ADCY5: variants seen among roughly 807,000 people sequenced by gnomAD.
The protein encoded by ADCY5 is adenylate cyclase 5.
A neutral mutation model predicts 119.7 loss-of-function variants in ADCY5; 30 were observed. The ratio of observed to expected loss-of-function variants is 0.25; its 90% CI spans 0.19 to 0.34. ADCY5 has a LOEUF of 0.34. Among genes scored for constraint, ADCY5 ranks in the 10% least tolerant of loss-of-function variants. The pLI, the probability that ADCY5 is intolerant of heterozygous loss-of-function variation, is 1.00. For missense variants in ADCY5, 1,324 were observed against 1,775.2 expected (o/e 0.75, Z 4.57); for synonymous variants, 753 against 762.2 (o/e 0.99, Z 0.20).
intron 8 of ADCY5, among the ~76,000 whole-genome samples, chr3:123,325,019 G>C (rs994748337): frequency 6.6e-6 from 1 of 152,248 alleles, no homozygotes; most frequent in Non-Finnish European, 1.5e-5. Flanking sequence ...GGCTGGCCGA[G>C]TCTAGCCAGA....
intron 1 of ADCY5, among the ~76,000 whole-genome samples, chr3:123,403,942 C>T (rs1026520240): frequency 1.4e-4 from 22 of 152,212 alleles, no homozygotes; most frequent in African/African-American, 4.8e-4. Flanking sequence ...CTCCTGTAGC[C>T]TTCCTTACAT....
chr3:123,360,499 A>C (rs1943211073), intron 1 of ADCY5, among the ~76,000 whole-genome samples: 1 of 152,102 alleles, frequency 6.6e-6, no homozygotes, highest in Non-Finnish European at 1.5e-5. Context: ...CTTCCTACCC[A>C]AAAACCTGCC....
At chr3:123,380,109 A>T (rs1281879006) in intron 1 of ADCY5, among the ~76,000 whole-genome samples, 1 of 152,192 alleles carries the variant, frequency 6.6e-6, no homozygotes, top group Non-Finnish European at 1.5e-5. Flanking sequence ...GTAATGAGGA[A>T]ATGTCCCTCC....
chr3:123,364,935 C>CTTTTTTTTTTTTTTTTTTTTT (rs376085783), intron 1 of ADCY5, among the ~76,000 whole-genome samples: 1 of 137,148 alleles, frequency 7.3e-6, no homozygotes. Context: ...GTGTTTTTCA[C>CTTTTTTTTTTTTTTTTTTTTT]TTTTTTTTTT....
chr3:123,364,211 A>G (rs1943353198), intron 1 of ADCY5, among the ~76,000 whole-genome samples: 2 of 152,262 alleles, frequency 1.3e-5, no homozygotes, highest in East Asian at 1.9e-4. Context: ...TACTCTAAAA[A>G]GAAATACTGA....
At chr3:123,310,840 G>C (rs1234918638) in intron 12 of ADCY5, among the ~76,000 whole-genome samples, 1 of 152,152 alleles carries the variant, frequency 6.6e-6, no homozygotes, top group East Asian at 1.9e-4. Flanking sequence ...AAGGCACCAA[G>C]TTAGCCCCGC....
chr3:123,332,743 T>G, intron 3 of ADCY5, 68 bp from the exon 4 acceptor site: 1 of 1,041,506 alleles, frequency 9.6e-7, no homozygotes, highest in Non-Finnish European at 1.5e-6. Flanking sequence ...AATTCATACA[T>G]TACATCTTTT....
intron 1 of ADCY5, among the ~76,000 whole-genome samples, chr3:123,381,281 G>A (rs1422020733): frequency 6.6e-6 from 1 of 152,212 alleles, no homozygotes; most frequent in Non-Finnish European, 1.5e-5. Flanking sequence ...GCAGGAGCTT[G>A]GCATCTGCTT....
chr3:123,380,931 T>C (rs1012818684), intron 1 of ADCY5, among the ~76,000 whole-genome samples: 19 of 152,174 alleles, frequency 1.2e-4, no homozygotes, highest in Admixed American at 1.0e-3. Context: ...GAGCACATGC[T>C]AAGGAGACAG....
At chr3:123,290,896 T>C (rs1000085313) in intron 18 of ADCY5, among the ~76,000 whole-genome samples, 5 of 152,202 alleles carry the variant, frequency 3.3e-5, no homozygotes, top group Non-Finnish European at 5.9e-5. Context: ...GGGCCTCAGT[T>C]TCCTCATCTG....
intron 12 of ADCY5, among the ~76,000 whole-genome samples, chr3:123,308,883 C>A (rs1365704135): frequency 1.3e-5 from 2 of 152,178 alleles, no homozygotes; most frequent in Non-Finnish European, 2.9e-5. Flanking sequence ...GGGGCAAAGT[C>A]TCTTCCCAGG....
In ADCY5 at chr3:123,352,771, G is replaced by C. The variant is rs111435723; in HGVS notation, c.1135-190C>G. Among the ~76,000 whole-genome samples, 479 of 152,308 alleles carry C rather than the reference G, an allele frequency of 3.1e-3. No homozygotes were observed. Among genetic ancestry groups the C allele is most frequent in the African/African-American group, 0.011 (447 of 41,564 alleles). On this transcript the variant is annotated intron_variant, in intron 1 of 20. Coordinates refer to ENST00000462833, the MANE Select transcript of ADCY5 (RefSeq NM_183357.3). This position sits in a 1 kb window ranked among gnomAD's most constrained non-coding sequence, Gnocchi z 4.8. ...GATCGGGCTCTCTGATGTCCTCAAA[G>C]CCAGAAGTTTGGCTGGCTTGTCATG...
chr3:123,322,476 C>A (rs755841907), intron 8 of ADCY5, among the ~76,000 whole-genome samples: 18 of 152,234 alleles, frequency 1.2e-4, no homozygotes, highest in Non-Finnish European at 2.4e-4. Context: ...AGCGCCAGGT[C>A]GGCATGGCGA....
chr3:123,339,261 G>A (rs1023223098), intron 3 of ADCY5, among the ~76,000 whole-genome samples: 3 of 152,132 alleles, frequency 2.0e-5, no homozygotes, highest in African/African-American at 7.2e-5. Flanking sequence ...CATCCAACCT[G>A]AAGAATCCTT....
At chr3:123,383,771 A>G (rs749618195) in intron 1 of ADCY5, among the ~76,000 whole-genome samples, 9 of 152,064 alleles carry the variant, frequency 5.9e-5, no homozygotes, top group Non-Finnish European at 8.8e-5. Context: ...ACATCCACAC[A>G]TGCAGGCAGG....
At chr3:123,370,189 C>T (rs1205130541) in intron 1 of ADCY5, among the ~76,000 whole-genome samples, 2 of 152,200 alleles carry the variant, frequency 1.3e-5, no homozygotes, top group Non-Finnish European at 2.9e-5. Context: ...CTCTAGGCCC[C>T]TGGAAATATA....
intron 11 of ADCY5, among the ~76,000 whole-genome samples, chr3:123,317,635 T>C (rs1940986287): frequency 6.6e-6 from 1 of 151,582 alleles, no homozygotes; most frequent in African/African-American, 2.4e-5. Context: ...CTCAGGAGGC[T>C]GAGGCAGGAG....
At chr3:123,445,995 G>A (rs1404829454) in intron 1 of ADCY5, among the ~76,000 whole-genome samples, 6 of 152,226 alleles carry the variant, frequency 3.9e-5, no homozygotes, top group African/African-American at 2.4e-5. Context: ...TGGAATGGAA[G>A]AAGAAGGTTC....
chr3:123,325,491 G>T (rs1252283235), intron 7 of ADCY5, 29 bp from the exon 8 acceptor site: 1 of 1,612,670 alleles, frequency 6.2e-7, no homozygotes, highest in African/African-American at 1.4e-5. Context: ...GATGGGGGGA[G>T]ATGAGGAGTC....
Sources: gnomAD v4.1 joint callset for allele counts (sites outside exome capture counted in the v4.1 genomes callset) on GRCh38, gnomAD v4.1.1 for gene constraint, Gnocchi (gnomAD v3.1) non-coding constraint, MANE v1.5 for transcripts, NCBI Gene and HGNC (gene_info 2026-07-23, HGNC 2026-07-21) for gene names.